Variants in SLC24A2 observed in about 807,000 individuals in gnomAD.
SLC24A2 encodes the protein sodium/potassium/calcium exchanger 2.
Under a neutral mutation model 62.0 loss-of-function variants are expected in SLC24A2, and 36 were observed. That is an observed-to-expected ratio of 0.58 (90% CI 0.44 to 0.77). The LOEUF (loss-of-function observed/expected upper bound fraction) is 0.77, where lower values mean the gene tolerates loss of function less well. SLC24A2 is among the 30% of genes least tolerant of loss of function. The pLI is 0.00. For missense variants in SLC24A2, 846 were observed against 817.9 expected (o/e 1.03, Z -0.42); for synonymous variants, 358 against 294.0 (o/e 1.22, Z -2.23).
chr9:20,014,495 G>GAT, the SLC24A2 span, among the ~76,000 whole-genome samples: 5,170 of 140,418 alleles, frequency 0.037, 128 homozygotes, highest in African/African-American at 0.058. Flanking sequence ...AGAAAAATGT[G>GAT]ATATATATAT....
the SLC24A2 span, among the ~76,000 whole-genome samples, chr9:19,999,223 C>T: frequency 2.0e-5 from 3 of 152,242 alleles, no homozygotes; most frequent in Non-Finnish European, 4.4e-5. Context: ...TGGCTGGAAG[C>T]CTGAGTAGTA....
chr9:19,525,200 A>G (rs1181615228), intron 9 of SLC24A2, among the ~76,000 whole-genome samples: 3 of 152,158 alleles, frequency 2.0e-5, no homozygotes, highest in Admixed American at 2.0e-4. Context: ...AAATGTCAGT[A>G]AAATAACTGT....
chr9:20,069,438 T>A, the SLC24A2 span, among the ~76,000 whole-genome samples: 1 of 152,238 alleles, frequency 6.6e-6, no homozygotes, highest in African/African-American at 2.4e-5. Context: ...ACTATAAACA[T>A]GCAAACAGAA....
At chr9:19,574,112 G>C (rs762209104) in intron 6 of SLC24A2, among the ~76,000 whole-genome samples, 15 of 152,104 alleles carry the variant, frequency 9.9e-5, no homozygotes, top group African/African-American at 1.4e-4. Flanking sequence ...ACCTCCAAGG[G>C]ACATTATGTT....
chr9:20,238,012 T>C, the SLC24A2 span, among the ~76,000 whole-genome samples: 1 of 152,082 alleles, frequency 6.6e-6, no homozygotes, highest in Admixed American at 6.5e-5. Flanking sequence ...ACCTCCTAAT[T>C]TGGAGCTCCT....
chr9:19,518,852 G>C (rs1417550247), intron 10 of SLC24A2, among the ~76,000 whole-genome samples: 2 of 152,158 alleles, frequency 1.3e-5, no homozygotes, highest in Admixed American at 1.3e-4. Flanking sequence ...TGTCAAAAAT[G>C]TTGTCAGCTG....
intron 7 of SLC24A2, among the ~76,000 whole-genome samples, chr9:19,563,328 C>T (rs992241644): frequency 1.3e-5 from 2 of 151,948 alleles, no homozygotes; most frequent in Non-Finnish European, 1.5e-5. Context: ...CAGGGAAATG[C>T]AATTCTTGCC....
At chr9:19,766,221 T>C (rs1042014336) in intron 2 of SLC24A2, among the ~76,000 whole-genome samples, 1 of 152,220 alleles carries the variant, frequency 6.6e-6, no homozygotes, top group African/African-American at 2.4e-5. Flanking sequence ...GGTTCTTAGC[T>C]TCCTTGCATT....
intron 2 of SLC24A2, among the ~76,000 whole-genome samples, chr9:19,687,136 A>C (rs751866423): frequency 6.6e-6 from 1 of 152,058 alleles, no homozygotes; most frequent in Non-Finnish European, 1.5e-5. Flanking sequence ...TTAAGGGTGG[A>C]GAATGAGAGG....
At chr9:20,194,167 A>G in the SLC24A2 span, among the ~76,000 whole-genome samples, 1 of 152,148 alleles carries the variant, frequency 6.6e-6, no homozygotes, top group African/African-American at 2.4e-5. Context: ...TAGATGCTCA[A>G]ACATGATAAA....
chr9:19,560,985 G>C (rs1426392832), intron 7 of SLC24A2, among the ~76,000 whole-genome samples: 1 of 151,400 alleles, frequency 6.6e-6, no homozygotes, highest in Non-Finnish European at 1.5e-5. Flanking sequence ...GAGTGCAGTG[G>C]CATGATCTTG....
At chr9:20,205,068 C>T in the SLC24A2 span, among the ~76,000 whole-genome samples, 9 of 152,044 alleles carry the variant, frequency 5.9e-5, no homozygotes, top group South Asian at 2.1e-4. Flanking sequence ...TTTTTAAACA[C>T]GACCCTTCAG....
chr9:19,565,260 A>G (rs1835599853), intron 7 of SLC24A2, among the ~76,000 whole-genome samples: 1 of 151,560 alleles, frequency 6.6e-6, no homozygotes, highest in Non-Finnish European at 1.5e-5. Flanking sequence ...AAGCAACTTC[A>G]GCAAAGTCTC....
At chr9:20,091,937 T>G in the SLC24A2 span, among the ~76,000 whole-genome samples, 4 of 152,344 alleles carry the variant, frequency 2.6e-5, no homozygotes, top group East Asian at 5.8e-4. Context: ...TCATGTCCTT[T>G]GCAGGAACAT....
chr9:20,052,325 G>A, the SLC24A2 span, among the ~76,000 whole-genome samples: 1 of 152,114 alleles, frequency 6.6e-6, no homozygotes, highest in Non-Finnish European at 1.5e-5. Flanking sequence ...CTACTAGGTG[G>A]CAAAGACATT....
At chr9:20,269,816 CCAAA>C in the SLC24A2 span, among the ~76,000 whole-genome samples, 1 of 151,956 alleles carries the variant, frequency 6.6e-6, no homozygotes, top group African/African-American at 2.4e-5. Flanking sequence ...TGGCATTGAC[CCAAA>C]CAAAGGACTT....
At chr9:20,272,368 G>A in the SLC24A2 span, among the ~76,000 whole-genome samples, 23 of 152,176 alleles carry the variant, frequency 1.5e-4, no homozygotes, top group South Asian at 3.7e-3. Context: ...AGTTCGACCC[G>A]TCCCTTAATG....
At chr9:20,261,776 G>A in the SLC24A2 span, among the ~76,000 whole-genome samples, 4 of 108,154 alleles carry the variant, frequency 3.7e-5, no homozygotes, top group East Asian at 3.2e-4. Context: ...GTCTCGCTCT[G>A]TCACTCAGAC....
At chr9:20,179,387 T>C in the SLC24A2 span, among the ~76,000 whole-genome samples, 11,768 of 152,254 alleles carry the variant, frequency 0.077, 630 homozygotes, top group Middle Eastern at 0.17. Flanking sequence ...GAATGAAATG[T>C]CCTGGTGTAC....
Sources: gnomAD v4.1 joint callset for allele counts (sites outside exome capture counted in the v4.1 genomes callset) on GRCh38, gnomAD v4.1.1 for gene constraint, MANE v1.5 for transcripts, NCBI Gene and HGNC (gene_info 2026-07-23, HGNC 2026-07-21) for gene names.